UNC13C: variants seen among roughly 807,000 people sequenced by gnomAD.
UNC13C encodes unc-13 homolog C, also known as protein unc-13 homolog C.
Under a neutral mutation model 245.4 loss-of-function variants are expected in UNC13C, and 174 were observed. The ratio of observed to expected loss-of-function variants is 0.71; its 90% CI spans 0.63 to 0.80. The LOEUF is 0.80. Ranked by LOEUF, UNC13C falls within the 30% of genes least tolerant of loss-of-function variation. The probability of loss-of-function intolerance (pLI) is 0.00; values close to 1 mark genes in which losing one functional copy is unlikely to be tolerated. For missense variants in UNC13C, 2,829 were observed against 2,602.9 expected (o/e 1.09, Z -1.89); for synonymous variants, 992 against 895.1 (o/e 1.11, Z -1.93).
the UNC13C span, among the ~76,000 whole-genome samples, chr15:53,909,491 C>T: frequency 4.1e-5 from 6 of 146,386 alleles, 2 homozygotes; most frequent in South Asian, 2.3e-4. Flanking sequence ...TGGTGGCTCA[C>T]GCCTGTAATC....
chr15:53,878,902 A>C, the UNC13C span, among the ~76,000 whole-genome samples: 1 of 152,278 alleles, frequency 6.6e-6, no homozygotes, highest in East Asian at 1.9e-4. Flanking sequence ...TATCTGAAAT[A>C]ACTTTTAGAA....
At chr15:53,948,060 A>C in the UNC13C span, 2 of 152,220 alleles carry the variant, frequency 1.3e-5, no homozygotes, top group African/African-American at 4.8e-5. Context: ...AATGAACAAG[A>C]ACTGAAAATA....
chr15:54,605,846 G>A (rs760099344), intron 30 of UNC13C, among the ~76,000 whole-genome samples: 9 of 152,142 alleles, frequency 5.9e-5, no homozygotes, highest in African/African-American at 9.7e-5. Context: ...TTTTCTCTCC[G>A]TATAAACATC....
intron 13 of UNC13C, among the ~76,000 whole-genome samples, chr15:54,313,634 G>A (rs542160350): frequency 2.0e-5 from 3 of 151,770 alleles, no homozygotes; most frequent in South Asian, 4.2e-4. Context: ...ATGTAAAACT[G>A]TATAAAGCTA....
chr15:54,287,675 T>G (rs1204546452), intron 10 of UNC13C, among the ~76,000 whole-genome samples: 1 of 152,158 alleles, frequency 6.6e-6, no homozygotes, highest in African/African-American at 2.4e-5. Context: ...CAGAATACTA[T>G]TGCTCATATC....
rs751719409 is a variant in UNC13C at position 54,385,029 on chromosome 15, G to A, written c.4714-8019G>A. On this transcript the variant is annotated intron_variant, in intron 17 of 32. Coordinates refer to ENST00000260323, the MANE Select transcript of UNC13C (RefSeq NM_001080534.3). ...AAAAATATCAGATGCTGGCAAGGAC[G>A]TGAGGAAAAGGGAACTATTACACAC... Among the ~76,000 whole-genome samples, 7 of 152,076 alleles carry A rather than the reference G, an allele frequency of 4.6e-5. No individual in the cohort carries two copies. In the East Asian group the frequency reaches 5.8e-4, roughly 13 times the overall value.
chr15:54,238,810 TAAG>T (rs1041984498), intron 7 of UNC13C, among the ~76,000 whole-genome samples: 2 of 152,166 alleles, frequency 1.3e-5, no homozygotes, highest in Admixed American at 6.5e-5. Flanking sequence ...ACCACACTGA[TAAG>T]AAGATACAAG....
the UNC13C span, among the ~76,000 whole-genome samples, chr15:53,903,573 C>T: frequency 6.6e-6 from 1 of 152,178 alleles, no homozygotes; most frequent in South Asian, 2.1e-4. Context: ...TACCATTGCC[C>T]TCAGCCAAAT....
chr15:53,842,499 C>G, the UNC13C span, among the ~76,000 whole-genome samples: 1 of 152,064 alleles, frequency 6.6e-6, no homozygotes, highest in African/African-American at 2.4e-5. Context: ...CTTCTGGGCA[C>G]AATAAATGGT....
At chr15:54,591,711 A>G (rs1898799603) in intron 30 of UNC13C, among the ~76,000 whole-genome samples, 1 of 151,926 alleles carries the variant, frequency 6.6e-6, no homozygotes, top group Non-Finnish European at 1.5e-5. Flanking sequence ...TAGTCCATCA[A>G]TTTTATTTAT....
chr15:54,231,874 G>A (rs530446111), intron 4 of UNC13C, among the ~76,000 whole-genome samples: 1 of 151,944 alleles, frequency 6.6e-6, no homozygotes, highest in Non-Finnish European at 1.5e-5. Context: ...TTTAACTGTG[G>A]TGCATGAACT....
intron 4 of UNC13C, among the ~76,000 whole-genome samples, chr15:54,169,672 C>T (rs1038443562): frequency 2.0e-5 from 3 of 152,256 alleles, no homozygotes; most frequent in East Asian, 1.9e-4. Context: ...TGAGGATTGC[C>T]CTTTCCAGCC....
chr15:54,097,042 C>A lies in UNC13C; in HGVS notation c.2984-45976C>A, dbSNP rs1003020964. Among the ~76,000 whole-genome samples the A allele has an allele frequency of 3.9e-5, 6 of 152,086 alleles. 1 individual carries two copies. Among genetic ancestry groups the A allele is most frequent in the Admixed American group, 2.0e-4 (3 of 15,266 alleles). On this transcript the variant is annotated intron_variant, in intron 2 of 32. Coordinates refer to ENST00000260323, the MANE Select transcript of UNC13C (RefSeq NM_001080534.3). ...GAAATTTCTGAAGTCAGAGACTTAACAAAAAGTCTCAGGATACAGCCTTTC... is the reference window on the plus strand; with the variant it reads ...GAAATTTCTGAAGTCAGAGACTTAAAAAAAAGTCTCAGGATACAGCCTTTC...
At chr15:54,340,605 G>A (rs771746832) in intron 17 of UNC13C, among the ~76,000 whole-genome samples, 60 of 152,094 alleles carry the variant, frequency 3.9e-4, no homozygotes, top group Non-Finnish European at 7.6e-4. Flanking sequence ...TAAGTATGCG[G>A]GTTTATTTAT....
chr15:54,489,965 C>A (rs1893620077), intron 19 of UNC13C, among the ~76,000 whole-genome samples: 1 of 151,948 alleles, frequency 6.6e-6, no homozygotes, highest in Non-Finnish European at 1.5e-5. Context: ...CATGAAAAAA[C>A]CCAATTACTC....
intron 2 of UNC13C, among the ~76,000 whole-genome samples, chr15:54,037,513 C>T (rs1216769659): frequency 1.3e-5 from 2 of 152,164 alleles, no homozygotes; most frequent in Admixed American, 6.5e-5. Flanking sequence ...AATTGTTTCA[C>T]TGTTTTGGAG....
intron 2 of UNC13C, among the ~76,000 whole-genome samples, chr15:54,056,499 G>T (rs2141065305): frequency 6.6e-6 from 1 of 152,308 alleles, no homozygotes; most frequent in South Asian, 2.1e-4. Flanking sequence ...GTACCTGAAA[G>T]TGATGGGGAG....
the UNC13C span, among the ~76,000 whole-genome samples, chr15:53,854,784 T>C: frequency 1.3e-5 from 2 of 152,194 alleles, no homozygotes. Context: ...TTGGGCTCTT[T>C]TTTTGTTCCA....
chr15:54,187,706 A>T (rs1443619454), intron 4 of UNC13C, among the ~76,000 whole-genome samples: 1 of 152,100 alleles, frequency 6.6e-6, no homozygotes, highest in Non-Finnish European at 1.5e-5. Context: ...TCTTTATAGC[A>T]CTCAAGCAGC....
Sources: gnomAD v4.1 joint callset for allele counts (sites outside exome capture counted in the v4.1 genomes callset) on GRCh38, gnomAD v4.1.1 for gene constraint, MANE v1.5 for transcripts, NCBI Gene and HGNC (gene_info 2026-07-23, HGNC 2026-07-21) for gene names.